Variants in EPHB2 observed in about 807,000 individuals in gnomAD.
EPHB2 encodes EPH receptor B2.
A neutral mutation model predicts 96.4 loss-of-function variants in EPHB2; 18 were observed. The ratio of observed to expected loss-of-function variants is 0.19; its 90% CI spans 0.13 to 0.28. The LOEUF is 0.28. EPHB2 is among the 10% of genes least tolerant of loss of function. The probability of loss-of-function intolerance (pLI) is 1.00; values close to 1 mark genes in which losing one functional copy is unlikely to be tolerated. For missense variants in EPHB2, 989 were observed against 1,355.4 expected, an observed-to-expected ratio of 0.73 and a Z score of 4.25; for synonymous variants, 506 against 534.1, an observed-to-expected ratio of 0.95 and a Z score of 0.72.
At chr1:22,830,812 C>T (rs757312264) in intron 3 of EPHB2, among the ~76,000 whole-genome samples, 24 of 152,188 alleles carry the variant, frequency 1.6e-4, no homozygotes, top group Non-Finnish European at 2.5e-4. Flanking sequence ...GCCTTGGCCT[C>T]CCAAAGTCCT....
At chr1:22,769,425 CAG>C (rs56179402) in intron 1 of EPHB2, among the ~76,000 whole-genome samples, 20,354 of 152,054 alleles carry the variant, frequency 0.13, 1,420 homozygotes, top group South Asian at 0.18. Context: ...TTTTTTGAGA[CAG>C]AGTCTCATTC....
intron 3 of EPHB2, among the ~76,000 whole-genome samples, chr1:22,793,199 G>T (rs906072065): frequency 6.6e-6 from 1 of 152,158 alleles, no homozygotes; most frequent in Non-Finnish European, 1.5e-5. Flanking sequence ...GGGACAATTT[G>T]GGCTTCAGAA....
intron 14 of EPHB2, among the ~76,000 whole-genome samples, chr1:22,911,428 C>T (rs191455176): frequency 6.6e-6 from 1 of 152,314 alleles, no homozygotes; most frequent in East Asian, 1.9e-4. Flanking sequence ...CCTGCACACA[C>T]ACACCCATTC....
chr1:22,800,803 C>T (rs958089280), intron 3 of EPHB2, among the ~76,000 whole-genome samples: 3 of 152,026 alleles, frequency 2.0e-5, no homozygotes, highest in African/African-American at 7.2e-5. Context: ...CACACTCTCT[C>T]TCTCTTTCTG....
At position 22,804,381 on chromosome 1, in the gene EPHB2, G is replaced by A. The variant is rs564696248; in HGVS notation, c.811+19305G>A. ...CTGCACCACCCCCCATCCTGCCAGC[G>A]AAGGCTGTATTAAATATGAATTAAT... On this transcript the variant is annotated intron_variant, in intron 3 of 15. Coordinates refer to ENST00000374630, the MANE Select transcript of EPHB2 (RefSeq NM_017449.5). Among the ~76,000 whole-genome samples, 12 of 152,240 alleles carry A rather than the reference G, an allele frequency of 7.9e-5. No individual in the cohort carries two copies. In the East Asian group the frequency reaches 1.5e-3, roughly 20 times the overall value.
In EPHB2 at chr1:22,913,458, A is replaced by T. The variant is rs754962500; in HGVS notation, c.2853-4A>T. Reference sequence around the variant, plus strand: ...TCCCTAACACACGTGCTTCTCTCCCAAAGGGACATTCTCCGGGTTGGGGTC... The same window carrying T: ...TCCCTAACACACGTGCTTCTCTCCCTAAGGGACATTCTCCGGGTTGGGGTC... On this transcript the variant is annotated splice_region_variant and splice_polypyrimidine_tract_variant and intron_variant, in intron 15 of 15. Coordinates refer to ENST00000374630, the MANE Select transcript of EPHB2 (RefSeq NM_017449.5). This position sits in a 1 kb window ranked among gnomAD's most constrained non-coding sequence, Gnocchi z 4.1. 6.2e-7 allele frequency: 1 copy of T among 1,614,172 alleles called. No individual in the cohort carries two copies. The highest frequency in any genetic ancestry group is 8.5e-7 in the Non-Finnish European group (1 of 1,180,028).
intron 3 of EPHB2, among the ~76,000 whole-genome samples, chr1:22,857,370 G>T (rs1054609200): frequency 6.6e-6 from 1 of 152,044 alleles, no homozygotes; most frequent in Non-Finnish European, 1.5e-5. Context: ...AGGGCAGGCC[G>T]CCTAAAAGTG....
At chr1:22,857,057 C>T (rs908049605) in intron 3 of EPHB2, among the ~76,000 whole-genome samples, 3 of 152,150 alleles carry the variant, frequency 2.0e-5, no homozygotes, top group Non-Finnish European at 2.9e-5. Context: ...CAGCCCCTAC[C>T]CCAACCAAGG....
intron 3 of EPHB2, among the ~76,000 whole-genome samples, chr1:22,814,131 T>C (rs1336137972): frequency 6.6e-6 from 1 of 151,976 alleles, no homozygotes; most frequent in Non-Finnish European, 1.5e-5. Flanking sequence ...GATCGCGCCA[T>C]TGCACTCCAG....
chr1:22,748,583 T>C (rs1245314183), intron 1 of EPHB2, among the ~76,000 whole-genome samples: 1 of 151,734 alleles, frequency 6.6e-6, no homozygotes, highest in East Asian at 2.0e-4. Flanking sequence ...GGTTTCACCA[T>C]GTTGGTCAGG....
intron 3 of EPHB2, among the ~76,000 whole-genome samples, chr1:22,856,968 T>C (rs959399064): frequency 6.6e-6 from 1 of 152,176 alleles, no homozygotes; most frequent in Non-Finnish European, 1.5e-5. Context: ...CTGCCTTCAT[T>C]CAGCAAAACT....
At chr1:22,904,870 C>A (rs1262945024) in intron 9 of EPHB2, among the ~76,000 whole-genome samples, 1 of 152,250 alleles carries the variant, frequency 6.6e-6, no homozygotes, top group Non-Finnish European at 1.5e-5. Context: ...GGTCACACAG[C>A]TGAGCAGGGT....
At chr1:22,894,624 A>C (rs1301941597) in intron 7 of EPHB2, among the ~76,000 whole-genome samples, 1 of 152,124 alleles carries the variant, frequency 6.6e-6, no homozygotes, top group East Asian at 1.9e-4. Context: ...AGTAAAAATA[A>C]TAAAATGTAA....
chr1:22,720,491 C>T (rs1643427465), intron 1 of EPHB2, among the ~76,000 whole-genome samples: 1 of 152,110 alleles, frequency 6.6e-6, no homozygotes, highest in South Asian at 2.1e-4. Context: ...CTTGGGCCAA[C>T]CTGTGGTCCA....
chr1:22,863,441 G>A (rs943821421), intron 4 of EPHB2, among the ~76,000 whole-genome samples: 3 of 152,204 alleles, frequency 2.0e-5, no homozygotes, highest in Admixed American at 6.5e-5. Flanking sequence ...GTCAAGGTCT[G>A]GATTCACAAA....
intron 1 of EPHB2, among the ~76,000 whole-genome samples, chr1:22,720,669 C>CCCG (rs1007068540): frequency 2.6e-5 from 3 of 114,416 alleles, no homozygotes; most frequent in Non-Finnish European, 2.0e-5. Flanking sequence ...TTCCCCCCCC[C>CCCG]CCCCGCCCCA....
At position 22,913,286 on chromosome 1, in the gene EPHB2, C is replaced by A. The variant is rs1640168104; in HGVS notation, c.2853-176C>A. On this transcript the variant is annotated intron_variant, in intron 15 of 15. Coordinates refer to ENST00000374630, the MANE Select transcript of EPHB2 (RefSeq NM_017449.5). The surrounding 1 kb of genome is among the most constrained non-coding windows in gnomAD (Gnocchi z 4.1). Reference sequence around the variant, plus strand: ...CCTGATTCCGACTCAAGTGCTCTTCCACCTCACACCATAGTCGCTCCCTCC... The same window carrying A: ...CCTGATTCCGACTCAAGTGCTCTTCAACCTCACACCATAGTCGCTCCCTCC... 3 of 762,066 alleles carry A rather than the reference C, an allele frequency of 3.9e-6. No homozygotes were observed. Among genetic ancestry groups the A allele is most frequent in the South Asian group, 1.7e-5 (1 of 59,198 alleles). 47.2% of individuals were successfully genotyped at this position (762,066 alleles called of 1,614,324 possible).
rs1043175692 is a variant in EPHB2 at position 22,860,612 on chromosome 1, G to A, written c.812-2425G>A. On this transcript the variant is annotated intron_variant, in intron 3 of 15. Coordinates refer to ENST00000374630, the MANE Select transcript of EPHB2 (RefSeq NM_017449.5). The surrounding 1 kb of genome is among the most constrained non-coding windows in gnomAD (Gnocchi z 4.6). ...GGAGAGAGAGCAGCCACCCACTGGC[G>A]GCCCCCCCGGGAATGCCCCGCAGAT... Among the ~76,000 whole-genome samples, 1 of 152,200 alleles carries A rather than the reference G, an allele frequency of 6.6e-6. No homozygotes were observed. The highest frequency in any genetic ancestry group is 2.1e-4 in the South Asian group (1 of 4,814).
chr1:22,897,365 C>T (rs547927444), intron 9 of EPHB2, among the ~76,000 whole-genome samples: 7 of 152,180 alleles, frequency 4.6e-5, no homozygotes, highest in Non-Finnish European at 8.8e-5. Context: ...CTCAGTGTGA[C>T]GCCCTGAGGT....
Sources: gnomAD v4.1 joint callset for allele counts (sites outside exome capture counted in the v4.1 genomes callset) on GRCh38, gnomAD v4.1.1 for gene constraint, Gnocchi (gnomAD v3.1) non-coding constraint, MANE v1.5 for transcripts, NCBI Gene and HGNC (gene_info 2026-07-23, HGNC 2026-07-21) for gene names.